Variants in EYS observed in about 807,000 individuals in gnomAD.
EYS encodes the protein protein eyes shut homolog.
In EYS, 250 loss-of-function variants were observed where a neutral mutation model predicts 282.1. The ratio of observed to expected loss-of-function variants is 0.89; its 90% confidence interval spans 0.80 to 0.98. EYS has a LOEUF of 0.98. Ranked by LOEUF, EYS falls within the 50% of genes least tolerant of loss-of-function variation. The pLI is 0.00. For synonymous variants in EYS, 1,355 were observed against 1,282.9 expected, an observed-to-expected ratio of 1.06 and a Z score of -1.20; for missense variants, 4,016 against 3,709.0, an observed-to-expected ratio of 1.08 and a Z score of -2.15.
intron 18 of EYS, among the ~76,000 whole-genome samples, chr6:64,901,830 A>T (rs924813892): frequency 2.0e-5 from 3 of 151,880 alleles, no homozygotes; most frequent in Admixed American, 6.6e-5. Flanking sequence ...ATTTCGGGAG[A>T]CTCTACACAA....
At chr6:64,851,037 G>C (rs1175667571) in intron 19 of EYS, among the ~76,000 whole-genome samples, 1 of 151,992 alleles carries the variant, frequency 6.6e-6, no homozygotes, top group Admixed American at 6.6e-5. Context: ...GTGGTGGTTT[G>C]GCAGTATTTA....
At chr6:64,714,304 G>T (rs773257791) in intron 22 of EYS, among the ~76,000 whole-genome samples, 3 of 152,016 alleles carry the variant, frequency 2.0e-5, no homozygotes, top group African/African-American at 7.2e-5. Context: ...AATCTAGTAC[G>T]GGAAGTATTC....
intron 2 of EYS, among the ~76,000 whole-genome samples, chr6:65,613,668 C>T (rs558154542): frequency 6.6e-6 from 1 of 151,928 alleles, no homozygotes; most frequent in African/African-American, 2.4e-5. Context: ...TAGCAGATAA[C>T]TTTGTCTTGA....
chr6:65,058,415 C>T (rs909182767), intron 12 of EYS, among the ~76,000 whole-genome samples: 6 of 151,944 alleles, frequency 3.9e-5, no homozygotes, highest in Non-Finnish European at 5.9e-5. Flanking sequence ...CCTCCCAAAG[C>T]GCAGGAATTA....
chr6:64,547,453 G>A (rs926198625), intron 26 of EYS, among the ~76,000 whole-genome samples: 6 of 151,994 alleles, frequency 3.9e-5, no homozygotes, highest in South Asian at 2.1e-4. Flanking sequence ...GAGTGTTGAC[G>A]CAAAGGTTCT....
intron 5 of EYS, among the ~76,000 whole-genome samples, chr6:65,438,327 G>A (rs1253662843): frequency 6.6e-6 from 1 of 152,114 alleles, no homozygotes; most frequent in Non-Finnish European, 1.5e-5. Context: ...ACGTGTGCAT[G>A]TGTCTTTATA....
At chr6:64,460,821 CA>C (rs1775722089) in intron 26 of EYS, among the ~76,000 whole-genome samples, 1 of 152,042 alleles carries the variant, frequency 6.6e-6, no homozygotes, top group Admixed American at 6.6e-5. Context: ...AGCTTTTAAT[CA>C]AATGTGATTT....
chr6:63,793,672 T>A (rs969621910), intron 37 of EYS, among the ~76,000 whole-genome samples: 13 of 152,326 alleles, frequency 8.5e-5, no homozygotes, highest in Admixed American at 8.5e-4. Context: ...GAGAGATCAG[T>A]GAAGAAAGAA....
intron 39 of EYS, among the ~76,000 whole-genome samples, chr6:63,786,448 A>G (rs1168303794): frequency 1.3e-5 from 2 of 149,982 alleles, no homozygotes; most frequent in Non-Finnish European, 1.5e-5. Context: ...AAAATGAAAC[A>G]CCTCATGTTC....
intron 40 of EYS, 79 bp downstream of exon 40, chr6:63,777,927 A>G: frequency 5.5e-6 from 7 of 1,279,014 alleles, no homozygotes; most frequent in Non-Finnish European, 6.7e-6. Flanking sequence ...CCTAGTTTGT[A>G]CAAGTGGAAT....
chr6:63,851,798 GAAGAC>G (rs1474021462), intron 36 of EYS, among the ~76,000 whole-genome samples: 1 of 152,036 alleles, frequency 6.6e-6, no homozygotes, highest in East Asian at 1.9e-4. Flanking sequence ...AAAGCTAGCA[GAAGAC>G]AAGAAATAAC....
chr6:63,944,790 C>G (rs1331832913), intron 35 of EYS, among the ~76,000 whole-genome samples: 1 of 151,896 alleles, frequency 6.6e-6, no homozygotes, highest in Non-Finnish European at 1.5e-5. Context: ...AAAAAATAGC[C>G]AGGCATGGTG....
At chr6:64,013,531 C>T (rs1020125244) in intron 33 of EYS, among the ~76,000 whole-genome samples, 13 of 152,232 alleles carry the variant, frequency 8.5e-5, no homozygotes, top group East Asian at 1.9e-4. Context: ...GGCACTAGCT[C>T]GTGAGAGCTA....
At chr6:65,408,044 G>C (rs1001580774) in intron 5 of EYS, among the ~76,000 whole-genome samples, 6 of 151,990 alleles carry the variant, frequency 3.9e-5, no homozygotes, top group Non-Finnish European at 8.8e-5. Flanking sequence ...CTATTGAGAT[G>C]ATTATGTAGG....
chr6:64,045,620 T>C (rs1023178543), intron 33 of EYS, among the ~76,000 whole-genome samples: 107 of 150,902 alleles, frequency 7.1e-4, no homozygotes, highest in African/African-American at 2.5e-3. Context: ...TAATTTTCTG[T>C]ATTTTTAGTA....
chr6:65,042,730 G>C (rs1169578146), intron 13 of EYS, among the ~76,000 whole-genome samples: 1 of 151,246 alleles, frequency 6.6e-6, no homozygotes, highest in Admixed American at 6.6e-5. Context: ...GTATATTCTA[G>C]TGTATGTGCC....
intron 9 of EYS, among the ~76,000 whole-genome samples, chr6:65,348,039 CATGTTGTTGCAA>C (rs1386323295): frequency 6.6e-6 from 1 of 151,276 alleles, no homozygotes; most frequent in Admixed American, 6.6e-5. Context: ...TAGTTCCATC[CATGTTGTTGCAA>C]ATGACAGGAT....
At chr6:64,796,598 T>A (rs1035509088) in intron 22 of EYS, among the ~76,000 whole-genome samples, 3 of 152,098 alleles carry the variant, frequency 2.0e-5, no homozygotes, top group Non-Finnish European at 1.5e-5. Context: ...TCTGGAGAAA[T>A]AGCAGAACTA....
intron 22 of EYS, among the ~76,000 whole-genome samples, chr6:64,636,421 T>C (rs950114158): frequency 1.1e-4 from 17 of 152,122 alleles, no homozygotes; most frequent in African/African-American, 3.4e-4. Flanking sequence ...CGTCCTTACA[T>C]CTTATACAAA....
Sources: gnomAD v4.1 joint callset for allele counts (sites outside exome capture counted in the v4.1 genomes callset) on GRCh38, gnomAD v4.1.1 for gene constraint, MANE v1.5 for transcripts, NCBI Gene and HGNC (gene_info 2026-07-23, HGNC 2026-07-21) for gene names.